Variants in SCN8A observed in about 807,000 individuals in gnomAD.
SCN8A encodes the protein sodium voltage-gated channel alpha subunit 8, also known as sodium channel protein type 8 subunit alpha.
SCN8A carries 30 observed loss-of-function variants against 184.1 expected under a neutral mutation model. That is an observed-to-expected ratio of 0.16 (90% confidence interval 0.12 to 0.22). The LOEUF (loss-of-function observed/expected upper bound fraction) is 0.22. Ranked by LOEUF, SCN8A falls within the 10% of genes least tolerant of loss-of-function variation. SCN8A has a pLI of 1.00. For synonymous variants in SCN8A, 852 were observed against 907.0 expected (o/e 0.94, Z 1.09); for missense variants, 1,057 against 2,498.9 (o/e 0.42, Z 12.30).
intron 12 of SCN8A, among the ~76,000 whole-genome samples, chr12:51,740,371 T>C (rs1441739806): frequency 6.6e-6 from 1 of 152,268 alleles, no homozygotes; most frequent in East Asian, 1.9e-4. Context: ...AAGAAACTTT[T>C]CAGTTTCCTT....
At chr12:51,649,104 CA>C (rs1002098134) in intron 1 of SCN8A, among the ~76,000 whole-genome samples, 1 of 152,194 alleles carries the variant, frequency 6.6e-6, no homozygotes, top group Non-Finnish European at 1.5e-5. Context: ...TCCAGCGGGG[CA>C]GTCAAATTTT....
At position 51,807,266 on chromosome 12, in the gene SCN8A, A is replaced by G. The variant is rs1358879236; in HGVS notation, c.5780A>G (p.Asn1927Ser). ...AAGACAACTTCTAATAAGCTGGAGA[A>G]TGGAGGCACACACCGGGAGAAAAAA... ...CKKTTSNKLENGGTHREKKES... is the reference protein window; with the variant it reads ...CKKTTSNKLESGGTHREKKES... The change falls in exon 27 of 27, where the codon AAT becomes AGT. Residue 1927 changes from asparagine to serine, a missense_variant. Transcript: ENST00000627620. The surrounding 1 kb of genome is among the most constrained non-coding windows in gnomAD (Gnocchi z 4.5). The G allele has an allele frequency of 1.2e-6, 2 of 1,614,020 alleles. No homozygotes were observed. Among genetic ancestry groups the G allele is most frequent in the South Asian group, 1.1e-5 (1 of 91,082 alleles).
chr12:51,679,721 C>CTTTTTTT lies in SCN8A; in HGVS notation c.277-4437_277-4431dup, dbSNP rs34564079. Reference sequence around the variant, plus strand: ...TGTGTTTGTCCAAAGACTATCTTGCCTTTTTTTTTTTTTTTTTTTTTTGAG... The same window carrying CTTTTTTT: ...TGTGTTTGTCCAAAGACTATCTTGCCTTTTTTTTTTTTTTTTTTTTTTTTTTTTTGAG... On this transcript the variant is annotated intron_variant, in intron 2 of 26. Coordinates refer to ENST00000627620, the MANE Select transcript of SCN8A (RefSeq NM_001330260.2). Among the ~76,000 whole-genome samples the CTTTTTTT allele has an allele frequency of 4.8e-3, 414 of 85,422 alleles. 35 individuals carry two copies. The highest frequency in any genetic ancestry group is 0.016 in the African/African-American group (359 of 22,004). The allele number at this position is 85,422 out of a possible 152,430, so 56.0% of individuals were successfully genotyped here.
At chr12:51,653,057 C>T (rs780569004) in intron 1 of SCN8A, among the ~76,000 whole-genome samples, 8 of 152,140 alleles carry the variant, frequency 5.3e-5, no homozygotes, top group Non-Finnish European at 7.4e-5. Flanking sequence ...AGGTGGCTCA[C>T]GCCTGTAATC....
chr12:51,660,360 A>T (rs1008678758), intron 1 of SCN8A, among the ~76,000 whole-genome samples: 1 of 152,212 alleles, frequency 6.6e-6, no homozygotes, highest in Non-Finnish European at 1.5e-5. Flanking sequence ...GATCACAAGA[A>T]TTTGTCAGCA....
intron 11 of SCN8A, among the ~76,000 whole-genome samples, chr12:51,718,055 G>T (rs574342382): frequency 6.6e-6 from 1 of 152,250 alleles, no homozygotes; most frequent in Non-Finnish European, 1.5e-5. Context: ...ACCAATCTGG[G>T]GACAGGGGCT....
chr12:51,614,800 A>T (rs1420905708), intron 1 of SCN8A, among the ~76,000 whole-genome samples: 12 of 93,460 alleles, frequency 1.3e-4, no homozygotes, highest in East Asian at 3.4e-4. Flanking sequence ...TTTTTTTTTT[A>T]AATCCATTCT....
At chr12:51,725,584 A>C (rs544795317) in intron 12 of SCN8A, among the ~76,000 whole-genome samples, 1 of 152,300 alleles carries the variant, frequency 6.6e-6, no homozygotes, top group African/African-American at 2.4e-5. Flanking sequence ...TGAGACTCAG[A>C]GCGCTGTAGT....
intron 1 of SCN8A, among the ~76,000 whole-genome samples, chr12:51,601,561 G>C (rs1038584648): frequency 4.6e-5 from 7 of 151,868 alleles, no homozygotes; most frequent in African/African-American, 1.7e-4. Context: ...AAGCTTTATA[G>C]GTCAAAGAAA....
intron 26 of SCN8A, among the ~76,000 whole-genome samples, chr12:51,800,563 A>T (rs1938529055): frequency 6.6e-6 from 1 of 152,222 alleles, no homozygotes; most frequent in South Asian, 2.1e-4. Context: ...TCACACTACC[A>T]GTCAGCCAAT....
At chr12:51,799,992 T>G (rs1938510640) in intron 26 of SCN8A, among the ~76,000 whole-genome samples, 1 of 152,236 alleles carries the variant, frequency 6.6e-6, no homozygotes, top group Non-Finnish European at 1.5e-5. Context: ...TCTCGCTCAC[T>G]GGGTCCAGTC....
At chr12:51,667,555 G>A (rs959802799) in intron 2 of SCN8A, among the ~76,000 whole-genome samples, 2 of 151,788 alleles carry the variant, frequency 1.3e-5, no homozygotes, top group Non-Finnish European at 2.9e-5. Flanking sequence ...AGTTTTTCTT[G>A]TTTAGTGAAA....
In SCN8A at chr12:51,790,719, C is replaced by T. The variant is rs75845440; in HGVS notation, c.4524+217C>T. ...ATCCTCGACCTATCCTCTGAGCCTTCCTTGGGCAGCCACCAAGAATCAGCA... is the reference window on the plus strand; with the variant it reads ...ATCCTCGACCTATCCTCTGAGCCTTTCTTGGGCAGCCACCAAGAATCAGCA... On this transcript the variant is annotated intron_variant, in intron 25 of 26. Transcript: ENST00000627620. Among the ~76,000 whole-genome samples the T allele has an allele frequency of 7.0e-4, 106 of 152,266 alleles. 4 individuals carry two copies. In the East Asian group the frequency reaches 0.013, roughly 19 times the overall value.
intron 20 of SCN8A, among the ~76,000 whole-genome samples, chr12:51,775,181 G>T (rs1026636633): frequency 6.6e-6 from 1 of 152,210 alleles, no homozygotes; most frequent in Admixed American, 6.5e-5. Context: ...TAGGACCAGG[G>T]CCTGTGGAAA....
At chr12:51,636,130 G>A (rs1271562402) in intron 1 of SCN8A, among the ~76,000 whole-genome samples, 1 of 152,136 alleles carries the variant, frequency 6.6e-6, no homozygotes, top group Non-Finnish European at 1.5e-5. Flanking sequence ...AAGTAGGTAG[G>A]ACTACAGGAA....
At chr12:51,650,555 G>C (rs2138650777) in intron 1 of SCN8A, among the ~76,000 whole-genome samples, 1 of 140,256 alleles carries the variant, frequency 7.1e-6, no homozygotes, top group South Asian at 2.2e-4. Context: ...TGTCGCCCAA[G>C]CTGCAGTGCA....
chr12:51,605,456 A>C (rs1198004227), intron 1 of SCN8A, among the ~76,000 whole-genome samples: 1 of 152,200 alleles, frequency 6.6e-6, no homozygotes, highest in African/African-American at 2.4e-5. Flanking sequence ...GTAGTATTCC[A>C]TCATATATAC....
rs905574009 is a variant in SCN8A at position 51,721,870 on chromosome 12, G to A, written c.1960G>A (p.Gly654Ser). Residue 654 changes from glycine (G) to serine (S), a missense_variant, in exon 12 of 27, where the codon GGC becomes AGC. By Grantham distance (56) the Gly-to-Ser change is moderately conservative. Transcript: ENST00000627620. ...DCNGVVSLIGGPGSHIGGRLL... is the reference protein window; with the variant it reads ...DCNGVVSLIGSPGSHIGGRLL... ...CAACGGCGTGGTGTCCCTCATCGGC[G>A]GCCCCGGCTCCCACATCGGCGGGCG... 2 of 1,602,190 alleles carry A rather than the reference G, an allele frequency of 1.2e-6. No homozygotes were observed. The highest frequency in any genetic ancestry group is 1.3e-5 in the African/African-American group (1 of 75,044).
chr12:51,662,316 A>T (rs910460036), intron 1 of SCN8A, among the ~76,000 whole-genome samples: 1 of 152,222 alleles, frequency 6.6e-6, no homozygotes, highest in African/African-American at 2.4e-5. Context: ...TTTGAGAAGA[A>T]TGACAATTTA....
Sources: gnomAD v4.1 joint callset for allele counts (sites outside exome capture counted in the v4.1 genomes callset) on GRCh38, gnomAD v4.1.1 for gene constraint, Gnocchi (gnomAD v3.1) non-coding constraint, MANE v1.5 for transcripts, NCBI Gene and HGNC (gene_info 2026-07-23, HGNC 2026-07-21) for gene names.